LCLAT1: variants seen among roughly 807,000 people sequenced by gnomAD.
The protein encoded by LCLAT1 is 1-AGP acyltransferase 8.
Under a neutral mutation model 30.7 loss-of-function variants are expected in LCLAT1, and 11 were observed. That is an observed-to-expected ratio of 0.36 (90% CI 0.23 to 0.59). The LOEUF is 0.59. LCLAT1 is among the 20% of genes least tolerant of loss of function. The probability of loss-of-function intolerance (pLI) is 0.77; values close to 1 mark genes in which losing one functional copy is unlikely to be tolerated. For synonymous variants in LCLAT1, 155 were observed against 151.3 expected, an observed-to-expected ratio of 1.02 and a Z score of -0.18; for missense variants, 402 against 458.6, an observed-to-expected ratio of 0.88 and a Z score of 1.13.
chr2:30,473,549 A>C (rs1682900148), intron 1 of LCLAT1, among the ~76,000 whole-genome samples: 1 of 152,248 alleles, frequency 6.6e-6, no homozygotes, highest in Non-Finnish European at 1.5e-5. Context: ...GAACCTAAAC[A>C]AAGACTTTTT....
intron 1 of LCLAT1, among the ~76,000 whole-genome samples, chr2:30,472,815 GC>G (rs1682862902): frequency 6.6e-6 from 1 of 152,048 alleles, no homozygotes; most frequent in Admixed American, 6.5e-5. Flanking sequence ...CACAAGTCTT[GC>G]CAGTCCCTCC....
At chr2:30,634,459 C>G (rs545852626) in intron 5 of LCLAT1, among the ~76,000 whole-genome samples, 72 of 152,306 alleles carry the variant, frequency 4.7e-4, no homozygotes, top group African/African-American at 1.7e-3. Flanking sequence ...AACCCCATCT[C>G]TACTAAAAAT....
intron 1 of LCLAT1, among the ~76,000 whole-genome samples, chr2:30,470,678 A>T (rs1682735395): frequency 6.6e-6 from 1 of 152,108 alleles, no homozygotes; most frequent in Admixed American, 6.6e-5. Flanking sequence ...GCCTCTTAGT[A>T]AGTTTTGAAA....
intron 1 of LCLAT1, among the ~76,000 whole-genome samples, chr2:30,478,937 C>G (rs1238842367): frequency 6.6e-6 from 1 of 152,068 alleles, no homozygotes; most frequent in Non-Finnish European, 1.5e-5. Context: ...CTTGGGTTGC[C>G]CAATTGCTGT....
intron 5 of LCLAT1, among the ~76,000 whole-genome samples, chr2:30,604,599 A>C (rs1667339263): frequency 6.7e-6 from 1 of 150,050 alleles, no homozygotes; most frequent in Non-Finnish European, 1.5e-5. Context: ...AAATGTAAAA[A>C]TCCAGTGAGC....
At chr2:30,525,806 C>T (rs777676898) in intron 2 of LCLAT1, 51 bp downstream of exon 2, 6 of 1,500,622 alleles carry the variant, frequency 4.0e-6, no homozygotes, top group Middle Eastern at 1.7e-4. Context: ...GTGCTCCCCA[C>T]CCCTGATAGA....
In LCLAT1 at chr2:30,640,591, C is replaced by A. The variant is rs761305393; in HGVS notation, c.1103C>A (p.Pro368Gln). ...TGTTACCGACTTTTACACAAACAGC[C>A]ACATTTAAATTCAAAGAAAAATGAG... ...LACYRLLHKQ[P>Q]HLNSKKNE Residue 368 changes from proline (P) to glutamine (Q), a missense_variant, in exon 6 of 6, where the codon CCA becomes CAA. Pro to Gln is a moderately conservative substitution (Grantham distance 76). Transcript: ENST00000379509. 1.2e-6 allele frequency: 2 copies of A among 1,608,010 alleles called. No homozygotes were observed. Among genetic ancestry groups the A allele is most frequent in the Admixed American group, 1.7e-5 (1 of 58,874 alleles).
chr2:30,541,885 G>A (rs1388256780), intron 3 of LCLAT1, among the ~76,000 whole-genome samples: 1 of 152,162 alleles, frequency 6.6e-6, no homozygotes, highest in African/African-American at 2.4e-5. Context: ...AGCATTAGGT[G>A]TTATCAGTCT....
chr2:30,518,086 A>AT (rs561552208), intron 1 of LCLAT1, among the ~76,000 whole-genome samples: 209 of 152,344 alleles, frequency 1.4e-3, no homozygotes, highest in African/African-American at 4.7e-3. Context: ...CATTATGAGC[A>AT]TACCTCACCA....
rs1336479924 is a variant in LCLAT1 at position 30,496,403 on chromosome 2, T to C, written c.-4-29184T>C. On this transcript the variant is annotated intron_variant, in intron 1 of 5. Transcript: ENST00000379509. The stretch of plus-strand genomic sequence containing the variant: ...CCTTGGCACAGAGTAGCCTCTCAGT[T>C]AGTGGAGTTTCTGGGCGTCTTTCTT... Among the ~76,000 whole-genome samples, 9 of 152,182 alleles carry C rather than the reference T, an allele frequency of 5.9e-5. No homozygotes were observed. The East Asian group carries it at 1.7e-3, about 29-fold the overall frequency.
chr2:30,620,339 A>G (rs1051110169), intron 5 of LCLAT1, among the ~76,000 whole-genome samples: 3 of 152,200 alleles, frequency 2.0e-5, no homozygotes, highest in Admixed American at 1.3e-4. Flanking sequence ...GTCTTTGGGA[A>G]TGAAGCCCAG....
intron 5 of LCLAT1, among the ~76,000 whole-genome samples, chr2:30,580,125 A>T (rs941647043): frequency 6.6e-6 from 1 of 152,158 alleles, no homozygotes; most frequent in African/African-American, 2.4e-5. Context: ...AATTACAAAG[A>T]TGTTTTCTAG....
At position 30,533,208 on chromosome 2, in the gene LCLAT1, G is replaced by T. The variant is rs746784258; in HGVS notation, c.258G>T (p.Arg86=). The part of the protein sequence containing the change: ...GERSVIIMNH[R]TRMDWMFLWN... ...GAAGTGTCATTATCATGAACCATCG[G>T]ACAAGAATGGACTGGATGTTCCTGT... Residue 86 remains arginine, a synonymous_variant, in exon 3 of 6, where the codon CGG becomes CGT. Coordinates refer to ENST00000379509, the MANE Select transcript of LCLAT1 (RefSeq NM_001002257.3). 1.7e-5 allele frequency: 27 copies of T among 1,613,848 alleles called. No homozygotes were observed. In the South Asian group the frequency reaches 2.7e-4, roughly 16 times the overall value.
intron 5 of LCLAT1, among the ~76,000 whole-genome samples, chr2:30,610,280 C>G (rs1667673301): frequency 6.6e-6 from 1 of 151,972 alleles, no homozygotes; most frequent in African/African-American, 2.4e-5. Context: ...TATAATTAGG[C>G]ATTCCATTAT....
At chr2:30,487,597 C>G (rs867585132) in intron 1 of LCLAT1, among the ~76,000 whole-genome samples, 1 of 152,074 alleles carries the variant, frequency 6.6e-6, no homozygotes, top group South Asian at 2.1e-4. Context: ...TACAACCAGT[C>G]CTGAGAAAAA....
chr2:30,562,416 A>G (rs540245999), intron 4 of LCLAT1, 124 bp downstream of exon 4: 3 of 709,578 alleles, frequency 4.2e-6, no homozygotes, highest in South Asian at 6.1e-5. Flanking sequence ...CATCCCTGGA[A>G]TCCTAGCTAC....
Position 30,533,133 on chromosome 2 carries a change from G to A in LCLAT1, c.183G>A (p.Met61Ile). 1 of 1,613,436 alleles carries A rather than the reference G, an allele frequency of 6.2e-7. No individual in the cohort carries two copies. The highest frequency in any genetic ancestry group is 8.5e-7 in the Non-Finnish European group (1 of 1,179,318). The change falls in exon 3 of 6, where the codon ATG becomes ATA. Residue 61 changes from methionine to isoleucine, a missense_variant. Met to Ile is a conservative substitution (Grantham distance 10). Coordinates refer to ENST00000379509, the MANE Select transcript of LCLAT1 (RefSeq NM_001002257.3). ...LTLPVALLET[M>I]FGVKVIITGD... ...TTTCTTAGGCATTATTGGAGACCAT[G>A]TTTGGTGTAAAAGTGATTATAACTG...
At chr2:30,471,546 T>C in intron 1 of LCLAT1, among the ~76,000 whole-genome samples, 1 of 152,240 alleles carries the variant, frequency 6.6e-6, no homozygotes, top group East Asian at 1.9e-4. Context: ...GGTATATCCT[T>C]CCATATATTA....
At chr2:30,478,378 T>C (rs1316246648) in intron 1 of LCLAT1, among the ~76,000 whole-genome samples, 1 of 152,240 alleles carries the variant, frequency 6.6e-6, no homozygotes, top group Non-Finnish European at 1.5e-5. Context: ...TTTAGCATGC[T>C]ACCTGCTCAT....
Sources: gnomAD v4.1 joint callset for allele counts (sites outside exome capture counted in the v4.1 genomes callset) on GRCh38, gnomAD v4.1.1 for gene constraint, MANE v1.5 for transcripts, NCBI Gene and HGNC (gene_info 2026-07-23, HGNC 2026-07-21) for gene names.